Variants in GCLC observed in about 807,000 individuals in gnomAD.
The protein encoded by GCLC is glutamate--cysteine ligase catalytic subunit.
In GCLC, 30 loss-of-function variants were observed where a neutral mutation model predicts 81.5. That is an observed-to-expected ratio of 0.37 (90% confidence interval 0.28 to 0.50). The LOEUF (loss-of-function observed/expected upper bound fraction) is 0.50, where lower values mean the gene tolerates loss of function less well. Among genes scored for constraint, GCLC ranks in the 20% least tolerant of loss-of-function variants. The pLI is 0.96. For synonymous variants in GCLC, 262 were observed against 273.3 expected, an observed-to-expected ratio of 0.96 and a Z score of 0.41; for missense variants, 556 against 777.4, an observed-to-expected ratio of 0.72 and a Z score of 3.39.
At chr6:53,501,348 C>T (rs1298148236) in intron 12 of GCLC, 1 of 152,306 alleles carries the variant, frequency 6.6e-6, no homozygotes, top group Non-Finnish European at 1.5e-5. Flanking sequence ...GGTTACAGCC[C>T]TCCCAAGGGC....
At chr6:53,519,940 C>T (rs777146831) in intron 3 of GCLC, among the ~76,000 whole-genome samples, 46 of 152,148 alleles carry the variant, frequency 3.0e-4, no homozygotes, top group African/African-American at 9.6e-4. Context: ...GAATGGCTGA[C>T]GGACACGTAT....
chr6:53,528,970 T>C (rs760010583), intron 1 of GCLC, among the ~76,000 whole-genome samples: 2 of 152,174 alleles, frequency 1.3e-5, no homozygotes, highest in Non-Finnish European at 2.9e-5. Context: ...AGGACTCTCA[T>C]ACAGGGAGAA....
chr6:53,544,803 C>G lies in GCLC; in HGVS notation c.-158G>C. 1.7e-6 allele frequency: 1 copy of G among 599,892 alleles called. No individual in the cohort carries two copies. The highest frequency in any genetic ancestry group is 2.6e-6 in the Non-Finnish European group (1 of 385,672). 37.2% of individuals were successfully genotyped at this position (599,892 alleles called of 1,614,324 possible). ...CGGCGGAGGGAGGGTCCTGCCCGCTCCGGCTCCCCGGCGGCGGCCCCTGGC... is the reference window on the plus strand; with the variant it reads ...CGGCGGAGGGAGGGTCCTGCCCGCTGCGGCTCCCCGGCGGCGGCCCCTGGC... On this transcript the variant is annotated 5_prime_UTR_variant, in exon 1 of 16. Coordinates refer to ENST00000650454, the MANE Select transcript of GCLC (RefSeq NM_001498.4).
intron 4 of GCLC, among the ~76,000 whole-genome samples, chr6:53,515,867 G>A (rs999341826): frequency 1.3e-5 from 2 of 152,118 alleles, no homozygotes; most frequent in Non-Finnish European, 2.9e-5. Context: ...GTGGCTCAGC[G>A]AATAACTTTG....
Position 53,520,773 on chromosome 6 carries a change from C to T in GCLC, c.446+5G>A. The T allele has an allele frequency of 6.2e-7, 1 of 1,612,278 alleles. No homozygotes were observed. The highest frequency in any genetic ancestry group is 8.5e-7 in the Non-Finnish European group (1 of 1,178,266). Reference sequence around the variant, plus strand: ...CTGCTGGGGCATGTTAATATAGGAACTAACCTGGGAAATGAAGTTATTGTG... The same window carrying T: ...CTGCTGGGGCATGTTAATATAGGAATTAACCTGGGAAATGAAGTTATTGTG... On this transcript the variant is annotated splice_donor_5th_base_variant and intron_variant, in intron 3 of 15. Coordinates refer to ENST00000650454, the MANE Select transcript of GCLC (RefSeq NM_001498.4).
intron 1 of GCLC, among the ~76,000 whole-genome samples, chr6:53,530,803 T>A (rs541129635): frequency 6.6e-6 from 1 of 152,308 alleles, no homozygotes; most frequent in East Asian, 1.9e-4. Flanking sequence ...GACATATTCA[T>A]ATTTTCATTA....
At position 53,507,347 on chromosome 6, in the gene GCLC, T is replaced by C. The variant is rs1555903; in HGVS notation, c.1084+133A>G. On this transcript the variant is annotated intron_variant, in intron 9 of 15. Coordinates refer to ENST00000650454, the MANE Select transcript of GCLC (RefSeq NM_001498.4). ...TGGAACCTGAAACTTTAGGAACAAG[T>C]AGCCTCATGAGAGAAGTTAAAGACT... 127,866 of 854,782 alleles carry C rather than the reference T, an allele frequency of 0.15. 16,584 individuals carry two copies. Among genetic ancestry groups the C allele is most frequent in the Admixed American group, 0.45 (21,984 of 48,764 alleles). The allele number at this position is 854,782 out of a possible 1,614,324, so 52.9% of individuals were successfully genotyped here.
At chr6:53,509,435 T>C in intron 6 of GCLC, 185 bp from the exon 7 acceptor site, 1 of 641,790 alleles carries the variant, frequency 1.6e-6, no homozygotes, top group Non-Finnish European at 2.8e-6. Flanking sequence ...AAAATGGTAT[T>C]TAATTATGTT....
chr6:53,513,932 T>C (rs532577663), intron 6 of GCLC: 1 of 419,790 alleles, frequency 2.4e-6, no homozygotes, highest in East Asian at 4.2e-5. Flanking sequence ...TGACAGAATA[T>C]ATTGCATTTT....
At chr6:53,499,104 G>C (rs887424962) in intron 15 of GCLC, 137 bp from the exon 16 acceptor site, 1 of 678,820 alleles carries the variant, frequency 1.5e-6, no homozygotes, top group Admixed American at 2.3e-5. Flanking sequence ...GCATGGCAGG[G>C]GGTGGGAACA....
At chr6:53,525,426 A>G (rs1279265927) in intron 1 of GCLC, among the ~76,000 whole-genome samples, 2 of 152,250 alleles carry the variant, frequency 1.3e-5, no homozygotes, top group African/African-American at 2.4e-5. Flanking sequence ...CGATTTTCCA[A>G]TATAAAACAT....
At chr6:53,540,047 T>C (rs1169661760) in intron 1 of GCLC, among the ~76,000 whole-genome samples, 1 of 152,228 alleles carries the variant, frequency 6.6e-6, no homozygotes, top group East Asian at 1.9e-4. Flanking sequence ...AGAAATAATT[T>C]ACATGCAATC....
intron 1 of GCLC, 92 bp downstream of exon 1, chr6:53,544,404 C>A: frequency 7.2e-7 from 1 of 1,393,508 alleles, no homozygotes; most frequent in East Asian, 2.4e-5. Context: ...AGAACGCGGA[C>A]CGCGATAGGG....
chr6:53,505,342 A>G (rs1581729560), intron 12 of GCLC, 50 bp downstream of exon 12: 3 of 790,742 alleles, frequency 3.8e-6, no homozygotes, highest in Non-Finnish European at 6.7e-6. Flanking sequence ...ATAAATAAAT[A>G]TATCTACAGA....
At position 53,509,739 on chromosome 6, in the gene GCLC, C is replaced by T. The variant is rs572555730; in HGVS notation, c.754-489G>A. 18 of 182,876 alleles carry T rather than the reference C, an allele frequency of 9.8e-5. 1 individual carries two copies. In the South Asian group the frequency reaches 1.9e-3, roughly 19 times the overall value. 11.3% of individuals were successfully genotyped at this position (182,876 alleles called of 1,614,324 possible). A position where few individuals can be genotyped will look rare whatever the true frequency, so the allele number is the denominator to read the frequency against. On this transcript the variant is annotated intron_variant, in intron 6 of 15. Transcript: ENST00000650454. Reference sequence around the variant, plus strand: ...TCTCGGCTCACTGAAAGCTCCACCTCCTGGGTTCACGCCATTCTTCCGCCT... The same window carrying T: ...TCTCGGCTCACTGAAAGCTCCACCTTCTGGGTTCACGCCATTCTTCCGCCT...
chr6:53,544,360 C>T lies in GCLC; in HGVS notation c.150+136G>A, dbSNP rs1171926904. 12 of 808,076 alleles carry T rather than the reference C, an allele frequency of 1.5e-5. No homozygotes were observed. In the East Asian group the frequency reaches 2.1e-4, roughly 14 times the overall value. The allele number at this position is 808,076 out of a possible 1,614,324, so 50.1% of individuals were successfully genotyped here. A position where few individuals can be genotyped will look rare whatever the true frequency, so the allele number is the denominator to read the frequency against. On this transcript the variant is annotated intron_variant, in intron 1 of 15. Transcript: ENST00000650454. The stretch of plus-strand genomic sequence containing the variant: ...GAAAGCAGGGACGATGCTCCCGGGG[C>T]CGGGAGGCGCTCGAGGACCCCCGGG...
chr6:53,507,056 G>A (rs772040757), intron 9 of GCLC, 31 bp from the exon 10 acceptor site: 1 of 1,192,830 alleles, frequency 8.4e-7, no homozygotes, highest in South Asian at 1.2e-5. Context: ...GGAACTCACT[G>A]CAAAGCGAGA....
intron 12 of GCLC, among the ~76,000 whole-genome samples, chr6:53,502,051 TA>T (rs1279806417): frequency 1.3e-5 from 2 of 152,272 alleles, no homozygotes; most frequent in African/African-American, 4.8e-5. Flanking sequence ...TTTCCAATGT[TA>T]AATTTCTCCA....
At chr6:53,541,616 G>A (rs1763357189) in intron 1 of GCLC, among the ~76,000 whole-genome samples, 2 of 152,098 alleles carry the variant, frequency 1.3e-5, no homozygotes, top group Admixed American at 6.6e-5. Context: ...TAGGGTGGGG[G>A]GGCGGTGGGG....
Sources: allele counts gnomAD v4.1 joint callset (sites outside exome capture counted in the v4.1 genomes callset), GRCh38; gene constraint gnomAD v4.1.1; transcripts MANE v1.5; gene names NCBI Gene and HGNC (gene_info 2026-07-23, HGNC 2026-07-21).